Variants in EPHA6 observed in about 807,000 individuals in gnomAD.
EPHA6 encodes the protein ephrin type-A receptor 6.
In EPHA6, 50 loss-of-function variants were observed where a neutral mutation model predicts 112.0. That is an observed-to-expected ratio of 0.45 (90% CI 0.36 to 0.56). The LOEUF (loss-of-function observed/expected upper bound fraction) is 0.56. EPHA6 is among the 20% of genes least tolerant of loss of function. EPHA6 has a pLI of 0.00. For missense variants in EPHA6, 1,280 were observed against 1,417.4 expected, an observed-to-expected ratio of 0.90 and a Z score of 1.56; for synonymous variants, 529 against 490.7, an observed-to-expected ratio of 1.08 and a Z score of -1.03.
intron 9 of EPHA6, among the ~76,000 whole-genome samples, chr3:97,482,432 T>A (rs1034690651): frequency 3.9e-5 from 6 of 152,230 alleles, no homozygotes; most frequent in Admixed American, 2.0e-4. Context: ...TCTCATTTTC[T>A]TCAATGGATG....
intron 3 of EPHA6, among the ~76,000 whole-genome samples, chr3:97,212,909 G>T (rs1400460478): frequency 6.6e-6 from 1 of 152,102 alleles, no homozygotes; most frequent in Admixed American, 6.6e-5. Context: ...GCCACATCAA[G>T]AAACAAACTA....
chr3:97,524,429 G>A (rs1481865094), intron 10 of EPHA6, among the ~76,000 whole-genome samples: 2 of 151,786 alleles, frequency 1.3e-5, no homozygotes, highest in African/African-American at 4.8e-5. Flanking sequence ...TACTTATATT[G>A]TGTATGCTAA....
chr3:97,478,582 A>G (rs1229077398), intron 8 of EPHA6, among the ~76,000 whole-genome samples: 1 of 143,586 alleles, frequency 7.0e-6, no homozygotes, highest in Non-Finnish European at 1.5e-5. Context: ...TCAATTACAT[A>G]AAATAGAAAA....
Position 97,491,702 on chromosome 3 carries a change from T to C in EPHA6, c.2200+7643T>C, listed in dbSNP as rs114976075. Among the ~76,000 whole-genome samples, 889 of 151,772 alleles carry C rather than the reference T, an allele frequency of 5.9e-3. 8 individuals are homozygous for C. The highest frequency in any genetic ancestry group is 8.7e-3 in the Non-Finnish European group (591 of 67,938). ...ATAGGGTATCCAGGGTTTTTAGGTC[T>C]CATTGTCATAGAGACCCAGTCATCC... On this transcript the variant is annotated intron_variant, in intron 10 of 17. Coordinates refer to ENST00000389672, the MANE Select transcript of EPHA6 (RefSeq NM_001080448.3).
chr3:97,180,308 G>C (rs556245283), intron 3 of EPHA6, among the ~76,000 whole-genome samples: 1 of 152,156 alleles, frequency 6.6e-6, no homozygotes, highest in African/African-American at 2.4e-5. Flanking sequence ...CCCAGGGCAT[G>C]TCCAGAAATA....
At chr3:96,898,944 C>T (rs1051726278) in intron 2 of EPHA6, among the ~76,000 whole-genome samples, 4 of 151,204 alleles carry the variant, frequency 2.6e-5, no homozygotes, top group Non-Finnish European at 5.9e-5. Context: ...AGGAGAATGG[C>T]GTGAACCCGG....
chr3:97,213,780 A>G (rs1449050459), intron 3 of EPHA6, among the ~76,000 whole-genome samples: 6 of 152,130 alleles, frequency 3.9e-5, no homozygotes, highest in African/African-American at 7.2e-5. Context: ...AGAGGATGCC[A>G]TGTGCTTACT....
chr3:97,507,741 CA>C (rs1382130876), intron 10 of EPHA6, among the ~76,000 whole-genome samples: 2 of 151,998 alleles, frequency 1.3e-5, no homozygotes, highest in African/African-American at 2.4e-5. Flanking sequence ...GGAATGGTAC[CA>C]GCTCCTCTTT....
chr3:96,991,534 T>G (rs1033278930), intron 3 of EPHA6, among the ~76,000 whole-genome samples: 1 of 152,162 alleles, frequency 6.6e-6, no homozygotes, highest in African/African-American at 2.4e-5. Context: ...ATCTGTAAAA[T>G]GAGTATCCGA....
chr3:97,067,280 G>A (rs2046206829), intron 3 of EPHA6, among the ~76,000 whole-genome samples: 2 of 151,980 alleles, frequency 1.3e-5, no homozygotes, highest in South Asian at 2.1e-4. Context: ...TGTTTACCAT[G>A]GACTGGATAA....
intron 1 of EPHA6, among the ~76,000 whole-genome samples, chr3:96,825,722 T>G (rs888819345): frequency 6.6e-6 from 1 of 151,902 alleles, no homozygotes; most frequent in Non-Finnish European, 1.5e-5. Context: ...CAATAGCAGA[T>G]TACCCGTGAT....
chr3:97,571,128 A>G (rs529276794), intron 11 of EPHA6, among the ~76,000 whole-genome samples: 2 of 152,344 alleles, frequency 1.3e-5, no homozygotes, highest in East Asian at 3.9e-4. Context: ...ATTGCATATA[A>G]ACATATCACC....
intron 14 of EPHA6, among the ~76,000 whole-genome samples, chr3:97,643,077 A>G (rs2094023992): frequency 1.3e-5 from 2 of 152,216 alleles, no homozygotes; most frequent in Non-Finnish European, 2.9e-5. Flanking sequence ...AGCCCATCCG[A>G]CTAACAGTGG....
At chr3:97,377,894 A>C (rs2085462576) in intron 5 of EPHA6, among the ~76,000 whole-genome samples, 1 of 152,158 alleles carries the variant, frequency 6.6e-6, no homozygotes, top group South Asian at 2.1e-4. Context: ...AGAGCATAAA[A>C]GTTTGGAAAA....
Position 97,175,527 on chromosome 3 carries a change from T to A in EPHA6, c.1115-50737T>A, listed in dbSNP as rs533953703. On this transcript the variant is annotated intron_variant, in intron 3 of 17. Transcript: ENST00000389672. ...TATTGATTCTTCTAACCCATGAACA[T>A]GGAATATTTTTCCATTTTTTGTTGT... 2.6e-5 allele frequency among the ~76,000 whole-genome samples: 4 copies of A among 152,116 alleles called. No individual in the cohort carries two copies. The South Asian group carries it at 8.3e-4, about 31-fold the overall frequency.
intron 11 of EPHA6, among the ~76,000 whole-genome samples, chr3:97,547,040 C>T (rs1326120739): frequency 1.3e-5 from 2 of 152,110 alleles, no homozygotes; most frequent in African/African-American, 2.4e-5. Flanking sequence ...GTACTTTTAT[C>T]GTCTGAAGCC....
intron 14 of EPHA6, among the ~76,000 whole-genome samples, chr3:97,707,031 C>T (rs145920681): frequency 0.01 from 1,561 of 152,252 alleles, 13 homozygotes; most frequent in Non-Finnish European, 0.017. Context: ...CAGTGCCTCT[C>T]TAGTGGTACC....
chr3:97,145,306 T>A (rs971101520), intron 3 of EPHA6, among the ~76,000 whole-genome samples: 3 of 151,522 alleles, frequency 2.0e-5, no homozygotes, highest in Non-Finnish European at 4.4e-5. Context: ...TACTTTATAT[T>A]ATGGTCAATA....
At chr3:97,100,387 CATA>C (rs1293307828) in intron 3 of EPHA6, among the ~76,000 whole-genome samples, 3 of 97,194 alleles carry the variant, frequency 3.1e-5, no homozygotes, top group African/African-American at 6.7e-5. Flanking sequence ...AACAAAGAGA[CATA>C]ATAATAACAA....
Sources: allele counts gnomAD v4.1 joint callset (sites outside exome capture counted in the v4.1 genomes callset), GRCh38; gene constraint gnomAD v4.1.1; transcripts MANE v1.5; gene names NCBI Gene and HGNC (gene_info 2026-07-23, HGNC 2026-07-21).